Variants in ABR observed in about 807,000 individuals in gnomAD.
ABR encodes the protein active breakpoint cluster region-related protein.
A neutral mutation model predicts 107.2 loss-of-function variants in ABR; 35 were observed. The ratio of observed to expected loss-of-function variants is 0.33; its 90% CI spans 0.25 to 0.43. The LOEUF is 0.43. ABR is among the 20% of genes least tolerant of loss of function. The probability of loss-of-function intolerance (pLI) is 1.00; values close to 1 mark genes in which losing one functional copy is unlikely to be tolerated. For synonymous variants in ABR, 498 were observed against 462.0 expected, an observed-to-expected ratio of 1.08 and a Z score of -1.00; for missense variants, 815 against 1,115.2, an observed-to-expected ratio of 0.73 and a Z score of 3.83.
chr17:1,020,196 C>G (rs771412986), intron 16 of ABR, among the ~76,000 whole-genome samples: 3 of 152,204 alleles, frequency 2.0e-5, no homozygotes, highest in Non-Finnish European at 2.9e-5. Flanking sequence ...GATTCTCCTG[C>G]CTCAGCCTCC....
At chr17:1,228,562 C>T (rs1308853011) in intron 1 of ABR, among the ~76,000 whole-genome samples, 2 of 152,114 alleles carry the variant, frequency 1.3e-5, no homozygotes, top group Non-Finnish European at 2.9e-5. Flanking sequence ...CTGCCGCCGC[C>T]GCCAGTTCAT....
chr17:1,214,339 G>A (rs200648339), intron 1 of ABR, among the ~76,000 whole-genome samples: 6 of 151,066 alleles, frequency 4.0e-5, no homozygotes, highest in Non-Finnish European at 8.8e-5. Context: ...GGATGTGTGT[G>A]TATATATATA....
Position 1,207,649 on chromosome 17 carries a change from C to CAAA in ABR, c.838+21141_838+21143dup, listed in dbSNP as rs376092819. 1.7e-4 allele frequency among the ~76,000 whole-genome samples: 15 copies of CAAA among 86,160 alleles called. 1 individual carries two copies. Among genetic ancestry groups the CAAA allele is most frequent in the African/African-American group, 5.0e-4 (10 of 20,190 alleles). The allele number at this position is 86,160 out of a possible 152,430, so 56.5% of individuals were successfully genotyped here. A position where few individuals can be genotyped will look rare whatever the true frequency, so the allele number is the denominator to read the frequency against. ...GGGCAACATGAGCGAAACTCCGTCT[C>CAAA]AAAAAAAAAAAAAAAAAGAGAAGTG... On this transcript the variant is annotated intron_variant, in intron 1 of 22. Transcript: ENST00000574139.
chr17:1,012,146 A>T (rs779582417), intron 18 of ABR, 161 bp from the exon 19 acceptor site: 1 of 1,177,664 alleles, frequency 8.5e-7, no homozygotes. Flanking sequence ...ACCGCACCCC[A>T]CCCCAGCCAG....
At chr17:1,064,895 C>G (rs2034532765) in intron 10 of ABR, among the ~76,000 whole-genome samples, 2 of 124,216 alleles carry the variant, frequency 1.6e-5, no homozygotes, top group South Asian at 2.9e-4. Flanking sequence ...GTTATGTGAA[C>G]TGAGGGCTAT....
At chr17:1,058,951 G>A in intron 10 of ABR, 84 bp from the exon 11 acceptor site, 1 of 1,539,774 alleles carries the variant, frequency 6.5e-7, no homozygotes, top group Non-Finnish European at 8.8e-7. Context: ...TCCACTGTGT[G>A]TTAACATGCT....
chr17:1,200,320 T>C lies in ABR; in HGVS notation c.838+28473A>G, dbSNP rs996871711. On this transcript the variant is annotated intron_variant, in intron 1 of 22. Transcript: ENST00000574139. This position sits in a 1 kb window ranked among gnomAD's most constrained non-coding sequence, Gnocchi z 4.1. ...ATCCCAACACTTTCGGACGATCGCT[T>C]GAAGCCAGGAGTTCAAGACCAGCCT... Among the ~76,000 whole-genome samples, 41 of 152,208 alleles carry C rather than the reference T, an allele frequency of 2.7e-4. No individual in the cohort carries two copies. The highest frequency in any genetic ancestry group is 9.6e-4 in the African/African-American group (40 of 41,520).
chr17:1,024,102 A>C (rs2071971402), intron 16 of ABR, among the ~76,000 whole-genome samples: 1 of 148,772 alleles, frequency 6.7e-6, no homozygotes, highest in African/African-American at 2.5e-5. Context: ...GCCCGGGCCC[A>C]GAACACTTTC....
At position 1,009,727 on chromosome 17, in the gene ABR, G is replaced by A; in HGVS notation, c.2294C>T (p.Pro765Leu). 1 of 1,614,164 alleles carries A rather than the reference G, an allele frequency of 6.2e-7. No homozygotes were observed. The highest frequency in any genetic ancestry group is 8.5e-7 in the Non-Finnish European group (1 of 1,180,024). ...GAGGAAGGTGATGAGGTTGGGGTCGGGCAGGGAGCGGAGCAGGTGCATCAT... is the reference window on the plus strand; with the variant it reads ...GAGGAAGGTGATGAGGTTGGGGTCGAGCAGGGAGCGGAGCAGGTGCATCAT... ...NCMMHLLRSL[P>L]DPNLITFLFL... Residue 765 changes from proline (P) to leucine (L), a missense_variant, in exon 21 of 23, where the codon CCC becomes CTC. Pro to Leu is a moderately conservative substitution (Grantham distance 98, BLOSUM62 -3). Around this residue, in one of 5 missense-constraint regions of ABR, gnomAD observed 175 missense variants for 284.3 expected, o/e 0.62. Coordinates refer to ENST00000302538, the MANE Select transcript of ABR (RefSeq NM_021962.5).
In ABR at chr17:1,057,622, G is replaced by GT. The variant is rs545455667; in HGVS notation, c.1381+347dup. On this transcript the variant is annotated intron_variant, in intron 12 of 22. Transcript: ENST00000302538. ...CAAACTCCTGACTGGGATTACAGGC[G>GT]TAAGCCACCGTACCCAGCCTCTGTG... is the stretch of plus-strand genomic sequence containing the variant. Among the ~76,000 whole-genome samples the GT allele has an allele frequency of 8.2e-5, 12 of 147,040 alleles. No individual in the cohort carries two copies. The South Asian group carries it at 2.6e-3, about 32-fold the overall frequency.
intron 1 of ABR, among the ~76,000 whole-genome samples, chr17:1,196,128 CAAAAAAAAA>C (rs71148443): frequency 8.1e-6 from 1 of 123,866 alleles, no homozygotes; most frequent in African/African-American, 3.2e-5. Flanking sequence ...GATTCTGTCT[CAAAAAAAAA>C]AAAAAAAATA....
intron 1 of ABR, among the ~76,000 whole-genome samples, chr17:1,168,388 G>T (rs1567852214): frequency 1.3e-5 from 2 of 152,348 alleles, no homozygotes; most frequent in African/African-American, 4.8e-5. Context: ...TAAGGCCAGT[G>T]CTCGAATCAG....
At chr17:1,056,968 G>C (rs373919440) in intron 13 of ABR, 30 bp downstream of exon 13, 1 of 1,529,526 alleles carries the variant, frequency 6.5e-7, no homozygotes, top group South Asian at 1.1e-5. Context: ...GGGACCTGCC[G>C]GTTGGGCCAC....
chr17:1,177,871 T>G (rs971901271), intron 1 of ABR: 1 of 152,318 alleles, frequency 6.6e-6, no homozygotes, highest in Non-Finnish European at 1.5e-5. Context: ...CCCCCATTCA[T>G]GCAGACGCAC....
intron 16 of ABR, among the ~76,000 whole-genome samples, chr17:1,013,652 G>A (rs1246120046): frequency 5.3e-5 from 8 of 152,228 alleles, no homozygotes; most frequent in Non-Finnish European, 1.2e-4. Flanking sequence ...CGCACAGGAG[G>A]CTGCCTGGGT....
At chr17:1,216,519 T>C (rs2043013565) in intron 1 of ABR, among the ~76,000 whole-genome samples, 1 of 152,224 alleles carries the variant, frequency 6.6e-6, no homozygotes, top group Non-Finnish European at 1.5e-5. Context: ...CGGCTCTAAC[T>C]AATGCCTCCC....
intron 16 of ABR, among the ~76,000 whole-genome samples, chr17:1,040,095 C>T (rs1485986699): frequency 1.3e-5 from 2 of 152,152 alleles, no homozygotes; most frequent in African/African-American, 4.8e-5. Context: ...CCCACGTTAC[C>T]GGCCGTCGAT....
intron 1 of ABR, among the ~76,000 whole-genome samples, chr17:1,172,621 T>C (rs1021162487): frequency 6.6e-6 from 1 of 151,934 alleles, no homozygotes; most frequent in Non-Finnish European, 1.5e-5. Context: ...TGGTGGCACA[T>C]GCCTGTAATC....
chr17:1,046,043 G>GT (rs1326392975), intron 16 of ABR, among the ~76,000 whole-genome samples: 3 of 152,088 alleles, frequency 2.0e-5, no homozygotes, highest in Non-Finnish European at 4.4e-5. Flanking sequence ...GCTAATTTTT[G>GT]TTTTTTTAGT....
Sources: allele counts gnomAD v4.1 joint callset (sites outside exome capture counted in the v4.1 genomes callset), GRCh38; gene constraint gnomAD v4.1.1; regional missense constraint gnomAD v4.1.1; non-coding constraint Gnocchi (gnomAD v3.1); transcripts MANE v1.5; gene names NCBI Gene and HGNC (gene_info 2026-07-23, HGNC 2026-07-21).